The following ARB2A variants were observed in gnomAD, a reference collection of about 807,000 sequenced individuals.
ARB2A encodes the protein cotranscriptional regulator ARB2A.
At chr5:93,911,420 T>C in the ARB2A span, among the ~76,000 whole-genome samples, 2 of 151,632 alleles carry the variant, frequency 1.3e-5, no homozygotes, top group African/African-American at 4.8e-5. Context: ...ATATGTTACA[T>C]GGAAGAAAGA....
chr5:93,744,761 T>C, the ARB2A span, among the ~76,000 whole-genome samples: 1 of 152,156 alleles, frequency 6.6e-6, no homozygotes. Flanking sequence ...AGACAACTGG[T>C]GCTGTTTGTG....
the ARB2A span, among the ~76,000 whole-genome samples, chr5:93,971,764 T>C: frequency 6.6e-6 from 1 of 152,128 alleles, no homozygotes; most frequent in East Asian, 1.9e-4. Context: ...AACTGAATAA[T>C]TGGTTGGATT....
the ARB2A span, among the ~76,000 whole-genome samples, chr5:93,875,094 C>T: frequency 1.3e-5 from 2 of 152,130 alleles, no homozygotes; most frequent in East Asian, 1.9e-4. Flanking sequence ...GTAGCTGGGA[C>T]TATAGCCATA....
chr5:93,824,875 A>G, the ARB2A span, among the ~76,000 whole-genome samples: 1 of 152,248 alleles, frequency 6.6e-6, no homozygotes. Context: ...CATAATAAAC[A>G]GATGCTATTG....
the ARB2A span, among the ~76,000 whole-genome samples, chr5:94,028,595 C>T: frequency 6.6e-6 from 1 of 152,260 alleles, no homozygotes; most frequent in East Asian, 1.9e-4. Flanking sequence ...TTCAAGCTTC[C>T]TAAAACTTTA....
the ARB2A span, among the ~76,000 whole-genome samples, chr5:93,830,901 C>T: frequency 1.3e-5 from 2 of 152,120 alleles, no homozygotes; most frequent in Non-Finnish European, 2.9e-5. Flanking sequence ...GAGCTCTGAG[C>T]TTGTTTTCCT....
the ARB2A span, among the ~76,000 whole-genome samples, chr5:93,723,397 C>CT: frequency 1.3e-5 from 2 of 152,090 alleles, no homozygotes; most frequent in Non-Finnish European, 2.9e-5. Flanking sequence ...AAGGTTATCT[C>CT]TAATAGCTTC....
chr5:94,093,029 G>A, the ARB2A span, among the ~76,000 whole-genome samples: 1 of 151,890 alleles, frequency 6.6e-6, no homozygotes, highest in Non-Finnish European at 1.5e-5. Context: ...CATGAACACA[G>A]GTATATTATT....
chr5:94,033,717 G>A, the ARB2A span, among the ~76,000 whole-genome samples: 13,848 of 152,216 alleles, frequency 0.091, 790 homozygotes, highest in Middle Eastern at 0.16. Flanking sequence ...GAGCCGCTGT[G>A]CCTGGCCAAA....
the ARB2A span, among the ~76,000 whole-genome samples, chr5:93,649,864 C>A: frequency 1.4e-4 from 21 of 152,184 alleles, no homozygotes; most frequent in African/African-American, 5.1e-4. Context: ...GGGCAAAACT[C>A]ATCACAGCAA....
chr5:93,866,003 A>G, the ARB2A span: 6 of 985,408 alleles, frequency 6.1e-6, no homozygotes, highest in East Asian at 5.7e-4. Context: ...TTATGCAACT[A>G]AAAGTATAAT....
chr5:93,778,874 C>T, the ARB2A span, among the ~76,000 whole-genome samples: 3 of 152,182 alleles, frequency 2.0e-5, no homozygotes, highest in African/African-American at 4.8e-5. Flanking sequence ...GTTTGCTCAG[C>T]TCACCTTTAA....
At chr5:94,059,125 A>T in the ARB2A span, among the ~76,000 whole-genome samples, 1 of 151,950 alleles carries the variant, frequency 6.6e-6, no homozygotes, top group Non-Finnish European at 1.5e-5. Context: ...AGTCTCAAGC[A>T]TGCCTTCATA....
the ARB2A span, among the ~76,000 whole-genome samples, chr5:94,083,757 G>A: frequency 5.4e-5 from 8 of 149,164 alleles, no homozygotes; most frequent in East Asian, 1.6e-3. Context: ...GGAAATCAAA[G>A]TTATCATTAT....
chr5:93,959,448 T>C, the ARB2A span, among the ~76,000 whole-genome samples: 1 of 152,034 alleles, frequency 6.6e-6, no homozygotes, highest in Admixed American at 6.6e-5. Flanking sequence ...TATAGTTGTA[T>C]AACAGAAATA....
chr5:93,780,590 T>C, the ARB2A span, among the ~76,000 whole-genome samples: 1 of 150,224 alleles, frequency 6.7e-6, no homozygotes, highest in Non-Finnish European at 1.5e-5. Context: ...TTGGAGCTTC[T>C]GCTCTGTTGG....
At chr5:93,661,357 A>C in the ARB2A span, among the ~76,000 whole-genome samples, 1 of 152,292 alleles carries the variant, frequency 6.6e-6, no homozygotes, top group Non-Finnish European at 1.5e-5. Flanking sequence ...GGTAGATTAT[A>C]TATGAGAAGT....
chr5:93,952,346 T>C, the ARB2A span, among the ~76,000 whole-genome samples: 1 of 152,198 alleles, frequency 6.6e-6, no homozygotes, highest in Non-Finnish European at 1.5e-5. Context: ...GTAGAACACG[T>C]CTGGTGTGGA....
chr5:94,049,161 C>T, the ARB2A span, among the ~76,000 whole-genome samples: 2 of 152,146 alleles, frequency 1.3e-5, no homozygotes, highest in Non-Finnish European at 2.9e-5. Flanking sequence ...GATAATATGA[C>T]ACAGAATGAC....
Sources: gnomAD v4.1 joint callset for allele counts (sites outside exome capture counted in the v4.1 genomes callset) on GRCh38, gnomAD v4.1.1 for gene constraint, MANE v1.5 for transcripts, NCBI Gene and HGNC (gene_info 2026-07-23, HGNC 2026-07-21) for gene names.